Variants in SLC25A48 observed in about 807,000 individuals in gnomAD.
SLC25A48 encodes CTC-321K16.1.
In SLC25A48, 29 loss-of-function variants were observed where a neutral mutation model predicts 32.2. The observed-to-expected ratio is 0.90, with a 90% CI of 0.67 to 1.23. The LOEUF (loss-of-function observed/expected upper bound fraction) is 1.23. SLC25A48 is among the 50% of genes most tolerant of loss of function. The pLI, the probability that SLC25A48 is intolerant of heterozygous loss-of-function variation, is 0.00. For synonymous variants in SLC25A48, 164 were observed against 172.3 expected (o/e 0.95, Z 0.38); for missense variants, 399 against 422.7 (o/e 0.94, Z 0.49).
In SLC25A48 at chr5:135,793,597, C is replaced by CT. The variant is rs1221414378; in HGVS notation, c.-520-18922dup. On this transcript the variant is annotated intron_variant, in intron 3 of 10. Transcript: ENST00000646290. ...ATTGGGTTTACACCATGTGTGTATA[C>CT]TTTTGGATATTATTCATAACATTTT... is the stretch of plus-strand genomic sequence containing the variant. Among the ~76,000 whole-genome samples the CT allele has an allele frequency of 1.3e-4, 19 of 151,638 alleles. No homozygotes were observed. In the Admixed American group the frequency reaches 1.3e-3, roughly 10 times the overall value.
chr5:135,807,467 G>T (rs10053264), intron 3 of SLC25A48, among the ~76,000 whole-genome samples: 78,268 of 150,202 alleles, frequency 0.52, 21,979 homozygotes, highest in East Asian at 0.7. Flanking sequence ...TAATGTCATA[G>T]TGTGTTAACA....
rs1752675776 is a variant in SLC25A48, at chr5:135,635,402, C to T, written c.-521+446C>T. 1.3e-5 allele frequency among the ~76,000 whole-genome samples: 2 copies of T among 152,138 alleles called. 1 individual carries two copies. The highest frequency in any genetic ancestry group is 2.9e-5 in the Non-Finnish European group (2 of 68,024). On this transcript the variant is annotated intron_variant, in intron 3 of 10. Transcript: ENST00000646290. ...AATTAAACAGGTAGAGTGGACAGACCTGGGAAGCTGGTAATGATAACACCA... is the reference window on the plus strand; with the variant it reads ...AATTAAACAGGTAGAGTGGACAGACTTGGGAAGCTGGTAATGATAACACCA...
intron 3 of SLC25A48, among the ~76,000 whole-genome samples, chr5:135,776,402 T>G (rs1180729534): frequency 2.6e-5 from 4 of 151,830 alleles, no homozygotes; most frequent in Non-Finnish European, 5.9e-5. Context: ...TGTACACACC[T>G]TCTGTGATAT....
chr5:135,611,330 C>T (rs950108117), intron 1 of SLC25A48, among the ~76,000 whole-genome samples: 16 of 150,742 alleles, frequency 1.1e-4, no homozygotes, highest in African/African-American at 2.7e-4. Context: ...GCCAACATGG[C>T]GAAACCTTGT....
At chr5:135,714,509 C>T (rs996417839) in intron 3 of SLC25A48, among the ~76,000 whole-genome samples, 2 of 152,210 alleles carry the variant, frequency 1.3e-5, no homozygotes, top group Non-Finnish European at 2.9e-5. Flanking sequence ...TGGAAGCCAA[C>T]AGCAGTGAGG....
chr5:135,734,173 G>A (rs1382215900), intron 3 of SLC25A48, among the ~76,000 whole-genome samples: 4 of 152,086 alleles, frequency 2.6e-5, no homozygotes, highest in South Asian at 2.1e-4. Flanking sequence ...GCATGTGATC[G>A]GTTGCCAGGG....
chr5:135,880,263 C>T, intron 7 of SLC25A48, 166 bp downstream of exon 7: 1 of 992,244 alleles, frequency 1.0e-6, no homozygotes, highest in Non-Finnish European at 1.4e-6. Flanking sequence ...AACAGCAGTT[C>T]AGAAATGCCC....
At chr5:135,832,969 A>G (rs368842735), upstream of SLC25A48, among the ~76,000 whole-genome samples, 6 of 152,324 alleles carry the variant, frequency 3.9e-5, no homozygotes, top group East Asian at 9.7e-4. Flanking sequence ...GAATGGCAGC[A>G]CACTGCAAAT....
At chr5:135,840,267 T>G (rs1020271348) in intron 1 of SLC25A48, among the ~76,000 whole-genome samples, 1 of 152,194 alleles carries the variant, frequency 6.6e-6, no homozygotes, top group African/African-American at 2.4e-5. Context: ...ATTACTGGAT[T>G]TCATTCTTAC....
intron 6 of SLC25A48, among the ~76,000 whole-genome samples, chr5:135,879,596 GA>G: frequency 7.6e-6 from 1 of 131,016 alleles, no homozygotes; most frequent in African/African-American, 3.6e-5. Flanking sequence ...GAGAGAGAGA[GA>G]GAGAGAGAGA....
In SLC25A48 at chr5:135,595,406, G is replaced by C. The variant is rs531270717; in HGVS notation, c.-849+15809G>C. ...ACACTGGATTGGAAGGTTATTGATG[G>C]ACAGGCACCGCCAACCAGGAACATA... On this transcript the variant is annotated intron_variant, in intron 1 of 10. Coordinates refer to the SLC25A48 transcript ENST00000646290. Among the ~76,000 whole-genome samples, 34 of 152,290 alleles carry C rather than the reference G, an allele frequency of 2.2e-4. No individual in the cohort carries two copies. In the South Asian group the frequency reaches 7.1e-3, roughly 32 times the overall value.
intron 3 of SLC25A48, among the ~76,000 whole-genome samples, chr5:135,644,246 C>A (rs1752906691): frequency 6.6e-6 from 1 of 151,686 alleles, no homozygotes; most frequent in Non-Finnish European, 1.5e-5. Context: ...CTGAGCAGGG[C>A]ATATTTGGAC....
At chr5:135,763,291 C>T (rs1756108412) in intron 3 of SLC25A48, among the ~76,000 whole-genome samples, 1 of 152,090 alleles carries the variant, frequency 6.6e-6, no homozygotes, top group Non-Finnish European at 1.5e-5. Flanking sequence ...GCCTGGCATA[C>T]AAGGTGGTAG....
rs571801750 is a variant in SLC25A48 at position 135,686,710 on chromosome 5, C to T, written c.-521+51754C>T. On this transcript the variant is annotated intron_variant, in intron 3 of 10. Transcript: ENST00000646290. The stretch of plus-strand genomic sequence containing the variant: ...GACGACAGATGGATGGTTGGATGGA[C>T]AGCTAGATAGAAGAATGAATGAATG... 5.3e-5 allele frequency among the ~76,000 whole-genome samples: 8 copies of T among 151,804 alleles called. No individual in the cohort carries two copies. The South Asian group carries it at 1.5e-3, about 28-fold the overall frequency.
chr5:135,759,277 A>T (rs1174422845), intron 3 of SLC25A48, among the ~76,000 whole-genome samples: 1 of 152,172 alleles, frequency 6.6e-6, no homozygotes, highest in Non-Finnish European at 1.5e-5. Flanking sequence ...TTTCCACATA[A>T]CAAATGCTCT....
At chr5:135,763,764 TACACACAC>T (rs56030521) in intron 3 of SLC25A48, among the ~76,000 whole-genome samples, 2 of 125,638 alleles carry the variant, frequency 1.6e-5, no homozygotes, top group Admixed American at 8.3e-5. Flanking sequence ...AACACACACA[TACACACAC>T]ACACACACAC....
chr5:135,850,487 G>A lies in SLC25A48; in HGVS notation c.153G>A (p.Arg51=), dbSNP rs776879348. 8 of 1,613,966 alleles carry A rather than the reference G, an allele frequency of 5.0e-6. No individual in the cohort carries two copies. Among genetic ancestry groups the A allele is most frequent in the South Asian group, 2.2e-5 (2 of 91,088 alleles). ...NTLSCIRVVY[R]RESMFGFFKG... ...TCAGCTGCATCCGCGTGGTGTACAG[G>A]AGGGAGAGTGTAAGTGCCCCTTGGG... Residue 51 remains arginine, a synonymous_variant, in exon 3 of 8, where the codon AGG becomes AGA. Transcript: ENST00000681962.
intron 3 of SLC25A48, among the ~76,000 whole-genome samples, chr5:135,644,817 G>A (rs1269694512): frequency 5.9e-5 from 9 of 152,210 alleles, no homozygotes; most frequent in African/African-American, 1.9e-4. Flanking sequence ...TAAGTTGACA[G>A]TGAGGCTGCC....
At chr5:135,712,643 C>T (rs569129528) in intron 3 of SLC25A48, among the ~76,000 whole-genome samples, 1 of 152,194 alleles carries the variant, frequency 6.6e-6, no homozygotes, top group Non-Finnish European at 1.5e-5. Context: ...ACAGTTTCAA[C>T]TGAGGCTCAC....
Sources: allele counts gnomAD v4.1 joint callset (sites outside exome capture counted in the v4.1 genomes callset), GRCh38; gene constraint gnomAD v4.1.1; transcripts MANE v1.5; gene names NCBI Gene and HGNC (gene_info 2026-07-23, HGNC 2026-07-21).